UBE2V2: variants seen among roughly 807,000 people sequenced by gnomAD.
The protein encoded by UBE2V2 is ubiquitin-conjugating enzyme E2 variant 2.
Under a neutral mutation model 17.2 loss-of-function variants are expected in UBE2V2, and 9 were observed. The ratio of observed to expected loss-of-function variants is 0.52; its 90% CI spans 0.32 to 0.91. The LOEUF (loss-of-function observed/expected upper bound fraction) is 0.91. Ranked by LOEUF, UBE2V2 falls within the 40% of genes least tolerant of loss-of-function variation. The pLI, the probability that UBE2V2 is intolerant of heterozygous loss-of-function variation, is 0.04. For missense variants in UBE2V2, 133 were observed against 182.6 expected, an observed-to-expected ratio of 0.73 and a Z score of 1.56; for synonymous variants, 61 against 57.5, an observed-to-expected ratio of 1.06 and a Z score of -0.28.
chr8:48,048,213 T>TA (rs748835803), intron 2 of UBE2V2, among the ~76,000 whole-genome samples: 3 of 152,206 alleles, frequency 2.0e-5, no homozygotes, highest in Non-Finnish European at 4.4e-5. Context: ...TGTGTACACT[T>TA]ACGGTTCTTT....
At chr8:48,005,633 C>T (rs540550368), upstream of UBE2V2, among the ~76,000 whole-genome samples, 54 of 152,306 alleles carry the variant, frequency 3.5e-4, no homozygotes, top group African/African-American at 1.2e-3. Flanking sequence ...ATACTCCCAC[C>T]AACAGTGTAA....
chr8:48,050,016 A>G (rs2091525215), intron 3 of UBE2V2, 38 bp downstream of exon 3: 10 of 1,383,928 alleles, frequency 7.2e-6, no homozygotes, highest in Non-Finnish European at 9.8e-6. Context: ...ATATAACATA[A>G]TGTATAGAGT....
intron 1 of UBE2V2, among the ~76,000 whole-genome samples, chr8:48,016,227 T>C (rs531610411): frequency 6.6e-6 from 1 of 152,076 alleles, no homozygotes; most frequent in Non-Finnish European, 1.5e-5. Flanking sequence ...GATACTTAGG[T>C]TGATTCTATA....
Position 48,043,170 on chromosome 8 carries a change from G to T in UBE2V2, c.154G>T (p.Gly52Trp). The T allele has an allele frequency of 6.6e-7, 1 of 1,517,284 alleles. No individual in the cohort carries two copies. The highest frequency in any genetic ancestry group is 8.8e-7 in the Non-Finnish European group (1 of 1,131,298). The allele number at this position is 1,517,284 out of a possible 1,614,324, so 94.0% of individuals were successfully genotyped here. ...TACAAGGTGGACAGGCATGATTATTGGGCCACCAAGGGTCAGTGTTATAAA... is the reference window on the plus strand; with the variant it reads ...TACAAGGTGGACAGGCATGATTATTTGGCCACCAAGGGTCAGTGTTATAAA... Reference protein sequence around the residue: ...TLTRWTGMIIGPPRTNYENRI... With the variant: ...TLTRWTGMIIWPPRTNYENRI... The change falls in exon 2 of 4, where the codon GGG (glycine) becomes TGG (tryptophan). Residue 52 changes from glycine to tryptophan, a missense_variant. Around this residue, in one of 3 missense-constraint regions of UBE2V2, gnomAD observed 92 missense variants for 124.3 expected, o/e 0.74. Transcript: ENST00000523111.
In UBE2V2 at chr8:48,063,736, A is replaced by G. The variant is rs1407194088; in HGVS notation, c.*2908A>G. 1 of 152,210 alleles carries G rather than the reference A, an allele frequency of 6.6e-6. No individual in the cohort carries two copies. Among genetic ancestry groups the G allele is most frequent in the Non-Finnish European group, 1.5e-5 (1 of 68,034 alleles). The allele number at this position is 152,210 out of a possible 1,614,324, so 9.4% of individuals were successfully genotyped here. ...TAGTCAATGGTATTTAGTCTTGGATATAAAAATAGAGAAAATTTATAGCTT... is the reference window on the plus strand; with the variant it reads ...TAGTCAATGGTATTTAGTCTTGGATGTAAAAATAGAGAAAATTTATAGCTT... On this transcript the variant is annotated 3_prime_UTR_variant, in exon 4 of 4. Coordinates refer to ENST00000523111, the MANE Select transcript of UBE2V2 (RefSeq NM_003350.3).
chr8:48,044,442 C>G (rs1033698442), intron 2 of UBE2V2, among the ~76,000 whole-genome samples: 1 of 152,160 alleles, frequency 6.6e-6, no homozygotes, highest in Non-Finnish European at 1.5e-5. Context: ...AGCCACTGCA[C>G]CCAGCCCCTC....
intron 3 of UBE2V2, among the ~76,000 whole-genome samples, chr8:48,057,086 T>C (rs2091578303): frequency 6.6e-6 from 1 of 152,120 alleles, no homozygotes; most frequent in Admixed American, 6.5e-5. Flanking sequence ...TTGGCTATTC[T>C]GGGTTTCTTG....
At chr8:48,017,904 T>C (rs898379822) in intron 1 of UBE2V2, among the ~76,000 whole-genome samples, 1 of 150,908 alleles carries the variant, frequency 6.6e-6, no homozygotes, top group African/African-American at 2.4e-5. Flanking sequence ...TGGAGTGCAG[T>C]GGCATAGTCA....
intron 2 of UBE2V2, among the ~76,000 whole-genome samples, chr8:48,044,118 T>C (rs1282301727): frequency 6.6e-6 from 1 of 152,126 alleles, no homozygotes; most frequent in Non-Finnish European, 1.5e-5. Context: ...ACTGTTTTGC[T>C]CTTGGGTAGA....
chr8:48,017,621 C>T (rs569844642), intron 1 of UBE2V2, among the ~76,000 whole-genome samples: 1 of 152,192 alleles, frequency 6.6e-6, no homozygotes, highest in East Asian at 1.9e-4. Flanking sequence ...GGTCTGCCTG[C>T]CTCAGCCTCC....
intron 3 of UBE2V2, among the ~76,000 whole-genome samples, chr8:48,057,474 G>A (rs576385458): frequency 1.2e-4 from 18 of 151,928 alleles, no homozygotes; most frequent in African/African-American, 4.3e-4. Flanking sequence ...GCTAATTTTT[G>A]TATTTTTAGT....
chr8:48,014,644 CAA>C (rs1179934700), intron 1 of UBE2V2, among the ~76,000 whole-genome samples: 1,710 of 71,984 alleles, frequency 0.024, 17 homozygotes, highest in East Asian at 0.13. Flanking sequence ...GACTCTGCCT[CAA>C]AAAAAAAAAA....
intron 1 of UBE2V2, among the ~76,000 whole-genome samples, chr8:48,012,477 G>T (rs1293717934): frequency 6.6e-6 from 1 of 152,176 alleles, no homozygotes; most frequent in Admixed American, 6.5e-5. Context: ...CCAGCACTTT[G>T]GGAGGCCGAG....
At chr8:48,011,288 A>T (rs532791319) in intron 1 of UBE2V2, among the ~76,000 whole-genome samples, 2 of 151,794 alleles carry the variant, frequency 1.3e-5, no homozygotes, top group South Asian at 4.2e-4. Context: ...CTGCCTCAGC[A>T]TTCTGAGTAG....
chr8:48,049,797 A>G, intron 2 of UBE2V2, 56 bp from the exon 3 acceptor site: 5 of 1,481,786 alleles, frequency 3.4e-6, no homozygotes, highest in African/African-American at 1.4e-5. Context: ...TAGCACTTAG[A>G]CATTAATATT....
chr8:48,052,297 A>G (rs886090853), intron 3 of UBE2V2, among the ~76,000 whole-genome samples: 68 of 152,206 alleles, frequency 4.5e-4, no homozygotes, highest in African/African-American at 1.6e-3. Flanking sequence ...TACTAGACAT[A>G]TCTGGTTTTC....
At chr8:48,030,266 C>T (rs2091373779) in intron 1 of UBE2V2, among the ~76,000 whole-genome samples, 1 of 152,172 alleles carries the variant, frequency 6.6e-6, no homozygotes, top group South Asian at 2.1e-4. Context: ...TCAGCAACAT[C>T]TGCTGTCAGT....
chr8:48,025,679 A>G (rs2091339072), intron 1 of UBE2V2, among the ~76,000 whole-genome samples: 1 of 150,694 alleles, frequency 6.6e-6, no homozygotes, highest in Non-Finnish European at 1.5e-5. Context: ...GGCTCACTGC[A>G]AGCTCCGCCT....
At chr8:48,057,841 G>T (rs1227165555) in intron 3 of UBE2V2, among the ~76,000 whole-genome samples, 1 of 152,092 alleles carries the variant, frequency 6.6e-6, no homozygotes, top group Admixed American at 6.6e-5. Flanking sequence ...TTGTTGCCTT[G>T]ATGAACTTGT....
Sources: gnomAD v4.1 joint callset for allele counts (sites outside exome capture counted in the v4.1 genomes callset) on GRCh38, gnomAD v4.1.1 for gene constraint, gnomAD v4.1.1 regional missense constraint, MANE v1.5 for transcripts, NCBI Gene and HGNC (gene_info 2026-07-23, HGNC 2026-07-21) for gene names.